The following RBBP8 variants were observed in gnomAD, a reference collection of about 807,000 sequenced individuals.
The protein encoded by RBBP8 is DNA endonuclease RBBP8.
A neutral mutation model predicts 108.3 loss-of-function variants in RBBP8; 88 were observed. The observed-to-expected ratio is 0.81, with a 90% CI of 0.68 to 0.97. The LOEUF (loss-of-function observed/expected upper bound fraction) is 0.97. Ranked by LOEUF, RBBP8 falls within the 50% of genes least tolerant of loss-of-function variation. The probability of loss-of-function intolerance (pLI) is 0.00; values close to 1 mark genes in which losing one functional copy is unlikely to be tolerated. For synonymous variants in RBBP8, 332 were observed against 348.2 expected, an observed-to-expected ratio of 0.95 and a Z score of 0.52; for missense variants, 1,023 against 1,049.0, an observed-to-expected ratio of 0.98 and a Z score of 0.34.
chr18:22,975,224 G>A lies in RBBP8; in HGVS notation c.428+5G>A. On this transcript the variant is annotated splice_donor_5th_base_variant and intron_variant, in intron 6 of 18. Transcript: ENST00000327155. ...ACAACTCCAGCAGAAAATTGAGTAAGTATTTTCCTCCAACCTTGTTATTTT... is the reference window on the plus strand; with the variant it reads ...ACAACTCCAGCAGAAAATTGAGTAAATATTTTCCTCCAACCTTGTTATTTT... 2 of 1,612,322 alleles carry A rather than the reference G, an allele frequency of 1.2e-6. No individual in the cohort carries two copies. Among genetic ancestry groups the A allele is most frequent in the Non-Finnish European group, 8.5e-7 (1 of 1,179,020 alleles).
intron 3 of RBBP8, among the ~76,000 whole-genome samples, chr18:22,924,741 G>A (rs183046503): frequency 3.6e-4 from 55 of 152,226 alleles, no homozygotes; most frequent in Non-Finnish European, 5.4e-4. Flanking sequence ...ATGGTTTACA[G>A]TCATCCAAAC....
In RBBP8 at chr18:22,993,616, G is replaced by A. The variant is rs1331730377; in HGVS notation, c.1789G>A (p.Glu597Lys). 2.5e-6 allele frequency: 4 copies of A among 1,614,226 alleles called. No homozygotes were observed. Among genetic ancestry groups the A allele is most frequent in the Admixed American group, 3.3e-5 (2 of 60,032 alleles). ...PLRPRESLETENVLDDIKSAG... is the reference protein window; with the variant it reads ...PLRPRESLETKNVLDDIKSAG... The stretch of plus-strand genomic sequence containing the variant: ...ACGTCCACGTGAAAGTTTGGAGACT[G>A]AGAATGTTTTAGATGACATAAAGGT... The change falls in exon 11 of 19, where the codon GAG (glutamate) becomes AAG (lysine). Residue 597 changes from glutamate (E) to lysine (K), a missense_variant. Coordinates refer to ENST00000327155, the MANE Select transcript of RBBP8 (RefSeq NM_002894.3).
chr18:22,982,368 A>C lies in RBBP8; in HGVS notation c.579A>C (p.Lys193Asn), dbSNP rs1437854550. 1.2e-6 allele frequency: 2 copies of C among 1,613,972 alleles called. No homozygotes were observed. The highest frequency in any genetic ancestry group is 1.7e-6 in the Non-Finnish European group (2 of 1,179,986). ...GATACATAGAACAAACACATACTAA[A>C]TTGGAGCACTCTGTGTGTGCAAATG... ...HVRYIEQTHT[K>N]LEHSVCANEM... The change falls in exon 7 of 19, where the codon AAA becomes AAC. Residue 193 changes from lysine to asparagine, a missense_variant. By Grantham distance (94) the Lys-to-Asn change is moderately conservative. Transcript: ENST00000327155.
intron 4 of RBBP8, among the ~76,000 whole-genome samples, chr18:22,957,713 G>A (rs1340917977): frequency 6.6e-6 from 1 of 152,104 alleles, no homozygotes. Context: ...CCATGCTGAT[G>A]GAAACAGGAG....
chr18:22,983,971 C>G (rs1371655793), intron 7 of RBBP8, among the ~76,000 whole-genome samples: 1 of 152,148 alleles, frequency 6.6e-6, no homozygotes, highest in Non-Finnish European at 1.5e-5. Flanking sequence ...GTCCCAGCTA[C>G]TCGAGAGGCT....
chr18:23,022,663 T>TAAAGTAAAATAAAAAAAATAA (rs1555650173), intron 18 of RBBP8, among the ~76,000 whole-genome samples: 1 of 99,744 alleles, frequency 1.0e-5, no homozygotes, highest in Non-Finnish European at 2.4e-5. Flanking sequence ...TAAAATAAAA[T>TAAAGTAAAATAAAAAAAATAA]AAAATAAATA....
At chr18:22,974,727 G>T (rs1042626864) in intron 5 of RBBP8, among the ~76,000 whole-genome samples, 2 of 152,110 alleles carry the variant, frequency 1.3e-5, no homozygotes, top group Non-Finnish European at 2.9e-5. Flanking sequence ...CTGAGTGCTG[G>T]GATTACAGCT....
upstream of RBBP8, among the ~76,000 whole-genome samples, chr18:22,928,545 G>A (rs1294251237): frequency 6.6e-6 from 1 of 152,190 alleles, no homozygotes; most frequent in African/African-American, 2.4e-5. Flanking sequence ...GGGAAGGAGA[G>A]AGGAATAAAA....
At chr18:22,980,934 T>G (rs145912197) in intron 6 of RBBP8, among the ~76,000 whole-genome samples, 35 of 143,940 alleles carry the variant, frequency 2.4e-4, no homozygotes, top group Admixed American at 1.2e-3. Flanking sequence ...CCTCCCAAAG[T>G]GCTGGAATTG....
At chr18:22,971,641 C>CTTTTTTTTTTTT (rs919907678) in intron 5 of RBBP8, among the ~76,000 whole-genome samples, 1 of 109,234 alleles carries the variant, frequency 9.2e-6, no homozygotes, top group African/African-American at 3.6e-5. Flanking sequence ...TGTTTAATTT[C>CTTTTTTTTTTTT]TTTTTTTTTT....
rs1915629255 is a variant in RBBP8 at position 22,990,806 on chromosome 18, T to C, written c.808-131T>C. On this transcript the variant is annotated intron_variant, in intron 9 of 18. Transcript: ENST00000327155. ...TTCATATAAATGGAATCATACATTATGTGGCCTTTGTCTGGCTTCTTAGTA... is the reference window on the plus strand; with the variant it reads ...TTCATATAAATGGAATCATACATTACGTGGCCTTTGTCTGGCTTCTTAGTA... 6 of 665,210 alleles carry C rather than the reference T, an allele frequency of 9.0e-6. 1 individual carries two copies. Among genetic ancestry groups the C allele is most frequent in the South Asian group, 6.6e-5 (4 of 60,606 alleles). The allele number at this position is 665,210 out of a possible 1,614,324, so 41.2% of individuals were successfully genotyped here. A position where few individuals can be genotyped will look rare whatever the true frequency, so the allele number is the denominator to read the frequency against.
At chr18:22,969,042 A>T in intron 5 of RBBP8, 124 bp downstream of exon 5, 1 of 739,666 alleles carries the variant, frequency 1.4e-6, no homozygotes, top group South Asian at 1.7e-5. Flanking sequence ...GTAAAAGTTC[A>T]AATGTCCTTT....
chr18:22,964,788 C>T (rs1180257958), intron 4 of RBBP8, among the ~76,000 whole-genome samples: 1 of 152,002 alleles, frequency 6.6e-6, no homozygotes, highest in Non-Finnish European at 1.5e-5. Flanking sequence ...GGCTGCCACA[C>T]CTGGATACTA....
In RBBP8 at chr18:22,997,684, C is replaced by A. The variant is rs767228333; in HGVS notation, c.2093C>A (p.Thr698Asn). The A allele has an allele frequency of 1.9e-6, 3 of 1,609,780 alleles. No individual in the cohort carries two copies. Among genetic ancestry groups the A allele is most frequent in the Non-Finnish European group, 2.5e-6 (3 of 1,177,510 alleles). ...ATGGACTGTACATTGGTTAGTGAAA[C>A]CGTTCTCTTAAAAATGAAGAAGCAA... ...VDMDCTLVSE[T>N]VLLKMKKQEQ... is the part of the protein sequence containing the mutation. Residue 698 changes from threonine to asparagine, a missense_variant, in exon 14 of 19, where the codon ACC (threonine) becomes AAC (asparagine). Thr to Asn is a moderately conservative substitution (Grantham distance 65). Transcript: ENST00000327155.
At chr18:22,937,190 C>A in intron 2 of RBBP8, 2 of 740,444 alleles carry the variant, frequency 2.7e-6, no homozygotes, top group Non-Finnish European at 4.0e-6. Flanking sequence ...TTTCAATCCC[C>A]ACCCTCTTCC....
intron 10 of RBBP8, among the ~76,000 whole-genome samples, chr18:22,991,410 T>A (rs1414908031): frequency 6.6e-6 from 1 of 152,188 alleles, no homozygotes; most frequent in African/African-American, 2.4e-5. Flanking sequence ...AAGATTGTGT[T>A]GCATCTCATT....
At chr18:23,017,856 C>T (rs1198084652) in intron 17 of RBBP8, among the ~76,000 whole-genome samples, 9 of 137,598 alleles carry the variant, frequency 6.5e-5, no homozygotes, top group African/African-American at 2.5e-4. Flanking sequence ...AAGCAATTTT[C>T]CTGCCTCAGC....
chr18:22,927,843 C>T (rs988168428), intron 3 of RBBP8, among the ~76,000 whole-genome samples: 2 of 151,500 alleles, frequency 1.3e-5, no homozygotes, highest in African/African-American at 2.4e-5. Context: ...TGCAGTGAGT[C>T]GAGATTGTGC....
At chr18:23,001,292 AT>A (rs972023917) in intron 14 of RBBP8, among the ~76,000 whole-genome samples, 2 of 152,174 alleles carry the variant, frequency 1.3e-5, no homozygotes, top group Non-Finnish European at 2.9e-5. Context: ...TGTAATCCAC[AT>A]TTTTTTAAAA....
Sources: allele counts gnomAD v4.1 joint callset (sites outside exome capture counted in the v4.1 genomes callset), GRCh38; gene constraint gnomAD v4.1.1; transcripts MANE v1.5; gene names NCBI Gene and HGNC (gene_info 2026-07-23, HGNC 2026-07-21).